The following ROR1 variants were observed in gnomAD, a reference collection of about 807,000 sequenced individuals.
The protein encoded by ROR1 is ROR family WNT receptor 1.
In ROR1, 19 loss-of-function variants were observed where a neutral mutation model predicts 78.8. The ratio of observed to expected loss-of-function variants is 0.24; its 90% CI spans 0.17 to 0.35. The LOEUF (loss-of-function observed/expected upper bound fraction) is 0.35, where lower values mean the gene tolerates loss of function less well. Among genes scored for constraint, ROR1 ranks in the 10% least tolerant of loss-of-function variants. ROR1 has a pLI of 1.00. For synonymous variants in ROR1, 386 were observed against 433.6 expected (o/e 0.89, Z 1.36); for missense variants, 917 against 1,177.8 (o/e 0.78, Z 3.24).
intron 1 of ROR1, among the ~76,000 whole-genome samples, chr1:63,812,493 TAGTC>T (rs1453414996): frequency 1.3e-5 from 2 of 152,176 alleles, no homozygotes; most frequent in Non-Finnish European, 2.9e-5. Context: ...ACATTGAAGG[TAGTC>T]AGTAAGTTTT....
At chr1:64,032,016 A>C (rs1432110919) in intron 2 of ROR1, among the ~76,000 whole-genome samples, 1 of 152,094 alleles carries the variant, frequency 6.6e-6, no homozygotes, top group Non-Finnish European at 1.5e-5. Context: ...TAGGAAAAAT[A>C]TCACAGGTAT....
At chr1:63,879,572 T>C (rs1215994059) in intron 1 of ROR1, among the ~76,000 whole-genome samples, 1 of 152,154 alleles carries the variant, frequency 6.6e-6, no homozygotes, top group Non-Finnish European at 1.5e-5. Context: ...TCAGATAGGT[T>C]TGCAAAACAC....
chr1:64,016,446 C>A (rs1646521246), intron 2 of ROR1, among the ~76,000 whole-genome samples: 1 of 151,822 alleles, frequency 6.6e-6, no homozygotes, highest in Non-Finnish European at 1.5e-5. Context: ...TTTATAGTAC[C>A]TGATCCCTTT....
intron 4 of ROR1, among the ~76,000 whole-genome samples, chr1:64,089,394 A>G (rs1647177689): frequency 6.6e-6 from 1 of 152,142 alleles, no homozygotes; most frequent in Non-Finnish European, 1.5e-5. Context: ...TATTTTTGGT[A>G]GAGTCAGGGA....
At chr1:63,948,190 C>G (rs1263785669) in intron 1 of ROR1, among the ~76,000 whole-genome samples, 1 of 152,068 alleles carries the variant, frequency 6.6e-6, no homozygotes, top group Non-Finnish European at 1.5e-5. Context: ...ATAAAACAAA[C>G]AAACAATGAA....
intron 1 of ROR1, among the ~76,000 whole-genome samples, chr1:63,818,170 C>G (rs1184829598): frequency 6.6e-6 from 1 of 152,136 alleles, no homozygotes; most frequent in Non-Finnish European, 1.5e-5. Flanking sequence ...TGGAAAGATT[C>G]TTACTCTTCT....
intron 1 of ROR1, among the ~76,000 whole-genome samples, chr1:63,896,270 G>T (rs1311669130): frequency 6.6e-6 from 1 of 152,064 alleles, no homozygotes; most frequent in Non-Finnish European, 1.5e-5. Flanking sequence ...TTGATAGCAG[G>T]TGGAATTTTT....
rs553758121 is a variant in ROR1 at position 64,101,568 on chromosome 1, T to C, written c.483-35801T>C. Among the ~76,000 whole-genome samples the C allele has an allele frequency of 2.6e-5, 4 of 152,280 alleles. No homozygotes were observed. In the South Asian group the frequency reaches 6.2e-4, roughly 24 times the overall value. ...ACCTACTGTGAGCCAGCTCCTGTTCTAAGAACGAAGGATATGACAGTGAAA... is the reference window on the plus strand; with the variant it reads ...ACCTACTGTGAGCCAGCTCCTGTTCCAAGAACGAAGGATATGACAGTGAAA... On this transcript the variant is annotated intron_variant, in intron 4 of 8. Coordinates refer to ENST00000371079, the MANE Select transcript of ROR1 (RefSeq NM_005012.4).
chr1:63,971,017 T>G (rs1646115539), intron 1 of ROR1, among the ~76,000 whole-genome samples: 1 of 152,204 alleles, frequency 6.6e-6, no homozygotes, highest in African/African-American at 2.4e-5. Flanking sequence ...GGGCTTCCTC[T>G]CACTCAGACA....
chr1:63,857,157 GTT>G (rs11421779), intron 1 of ROR1, among the ~76,000 whole-genome samples: 4 of 141,988 alleles, frequency 2.8e-5, no homozygotes, highest in Non-Finnish European at 3.1e-5. Flanking sequence ...ACTTTCAGAA[GTT>G]TTTTTTTTTT....
At position 64,159,180 on chromosome 1, in the gene ROR1, A is replaced by T; in HGVS notation, c.1374A>T (p.Ala458=). The change falls in exon 8 of 9, where the codon GCA becomes GCT. Residue 458 remains alanine (A), a synonymous_variant. Transcript: ENST00000371079. ...GQNVEMSMLN[A]YKPKSKAKEL... ...ATGTAGAGATGTCAATGCTGAATGC[A>T]TATAAACCCAAGGTAATGTTAGCAG... is the stretch of plus-strand genomic sequence containing the variant. The T allele has an allele frequency of 6.2e-7, 1 of 1,613,340 alleles. No homozygotes were observed. Among genetic ancestry groups the T allele is most frequent in the Non-Finnish European group, 8.5e-7 (1 of 1,179,270 alleles).
chr1:63,958,201 T>G (rs1645999239), intron 1 of ROR1, among the ~76,000 whole-genome samples: 1 of 152,216 alleles, frequency 6.6e-6, no homozygotes, highest in South Asian at 2.1e-4. Context: ...GTCTGAAAAA[T>G]ACTTTATGCC....
intron 7 of ROR1, among the ~76,000 whole-genome samples, chr1:64,149,516 A>AC (rs1649562809): frequency 2.0e-5 from 3 of 152,014 alleles, no homozygotes; most frequent in Admixed American, 1.3e-4. Context: ...ACTCTGAGAG[A>AC]CCCTACTGTG....
intron 2 of ROR1, among the ~76,000 whole-genome samples, chr1:64,036,240 G>A (rs973123165): frequency 1.3e-5 from 2 of 152,122 alleles, no homozygotes; most frequent in African/African-American, 4.8e-5. Context: ...TGGCTCCCTA[G>A]TGCCATCCAT....
At chr1:63,991,228 G>T (rs1034524356) in intron 1 of ROR1, among the ~76,000 whole-genome samples, 2 of 152,050 alleles carry the variant, frequency 1.3e-5, no homozygotes. Context: ...TAGAATTATA[G>T]ACTGAGCCAC....
intron 4 of ROR1, among the ~76,000 whole-genome samples, chr1:64,079,504 G>A (rs1054639229): frequency 1.4e-5 from 2 of 146,528 alleles, no homozygotes; most frequent in South Asian, 2.2e-4. Flanking sequence ...ACAGAGTCTC[G>A]CTTTGTTGCC....
At chr1:63,970,214 A>G (rs1373601317) in intron 1 of ROR1, among the ~76,000 whole-genome samples, 5 of 152,102 alleles carry the variant, frequency 3.3e-5, no homozygotes, top group African/African-American at 4.8e-5. Context: ...TCCTGTTGCC[A>G]TAGACCCTGT....
chr1:63,969,797 C>T (rs1233095710), intron 1 of ROR1, among the ~76,000 whole-genome samples: 1 of 152,052 alleles, frequency 6.6e-6, no homozygotes, highest in Non-Finnish European at 1.5e-5. Flanking sequence ...ACCTGTCTTT[C>T]TCCCTTTCAC....
chr1:63,994,353 CA>C (rs1646320477), intron 1 of ROR1, among the ~76,000 whole-genome samples: 2 of 152,084 alleles, frequency 1.3e-5, no homozygotes, highest in Non-Finnish European at 2.9e-5. Flanking sequence ...TGAATTTTTG[CA>C]ATCAGACCTC....
Sources: gnomAD v4.1 joint callset for allele counts (sites outside exome capture counted in the v4.1 genomes callset) on GRCh38, gnomAD v4.1.1 for gene constraint, MANE v1.5 for transcripts, NCBI Gene and HGNC (gene_info 2026-07-23, HGNC 2026-07-21) for gene names.